Variants in TRPM6 observed in about 807,000 individuals in gnomAD.
The protein encoded by TRPM6 is channel kinase 2.
TRPM6 carries 111 observed loss-of-function variants against 247.6 expected under a neutral mutation model. The ratio of observed to expected loss-of-function variants is 0.45; its 90% CI spans 0.38 to 0.52. TRPM6 has a LOEUF of 0.52. TRPM6 is among the 20% of genes least tolerant of loss of function. The pLI is 0.00. For missense variants in TRPM6, 2,126 were observed against 2,421.5 expected, an observed-to-expected ratio of 0.88 and a Z score of 2.56; for synonymous variants, 892 against 853.8, an observed-to-expected ratio of 1.04 and a Z score of -0.78.
At chr9:74,863,167 C>G (rs1242128369) in intron 1 of TRPM6, among the ~76,000 whole-genome samples, 2 of 151,670 alleles carry the variant, frequency 1.3e-5, no homozygotes, top group Non-Finnish European at 2.9e-5. Flanking sequence ...CTGCCTCAGT[C>G]TCCCAAGTAG....
chr9:74,771,552 T>G (rs998676082), intron 25 of TRPM6, 151 bp downstream of exon 25: 1 of 728,472 alleles, frequency 1.4e-6, no homozygotes, highest in Non-Finnish European at 2.3e-6. Context: ...AAATATACTT[T>G]GATTACATGA....
intron 1 of TRPM6, among the ~76,000 whole-genome samples, chr9:74,879,275 T>C (rs1471057282): frequency 1.3e-5 from 2 of 151,126 alleles, no homozygotes; most frequent in Admixed American, 6.6e-5. Context: ...CCAGTCAATG[T>C]GGTGTAATGA....
At chr9:74,771,029 T>TC (rs1315708278) in intron 25 of TRPM6, among the ~76,000 whole-genome samples, 4 of 151,922 alleles carry the variant, frequency 2.6e-5, no homozygotes, top group Non-Finnish European at 5.9e-5. Context: ...AGAACCCCAC[T>TC]CCCCATCCAA....
At chr9:74,838,453 TTCAG>T (rs1287854419) in intron 5 of TRPM6, among the ~76,000 whole-genome samples, 3 of 152,248 alleles carry the variant, frequency 2.0e-5, no homozygotes, top group Non-Finnish European at 4.4e-5. Context: ...ACTTTGTTTT[TTCAG>T]TCATTCACTT....
intron 3 of TRPM6, among the ~76,000 whole-genome samples, chr9:74,851,759 A>T (rs181944342): frequency 0.18 from 20,105 of 113,954 alleles, 3,041 homozygotes; most frequent in African/African-American, 0.4. Context: ...AAAAAAAAAA[A>T]AAAAATATAT....
chr9:74,827,642 AG>A lies in TRPM6; in HGVS notation c.841+135del, dbSNP rs369216103. Reference sequence around the variant, plus strand: ...GAGGAGGGGAGATGCCCATGTGGGAAGGGGGGTGGCTGAAGAGTATTAAGGA... The same window carrying A: ...GAGGAGGGGAGATGCCCATGTGGGAAGGGGGTGGCTGAAGAGTATTAAGGA... On this transcript the variant is annotated intron_variant, in intron 7 of 38. Coordinates refer to ENST00000360774, the MANE Select transcript of TRPM6 (RefSeq NM_017662.5). 6 of 856,010 alleles carry A rather than the reference AG, an allele frequency of 7.0e-6. No homozygotes were observed. The East Asian group carries it at 1.0e-4, about 14-fold the overall frequency. 53.0% of individuals were successfully genotyped at this position (856,010 alleles called of 1,614,324 possible). A position where few individuals can be genotyped will look rare whatever the true frequency, so the allele number is the denominator to read the frequency against.
intron 2 of TRPM6, among the ~76,000 whole-genome samples, chr9:74,856,453 G>C (rs1393462536): frequency 8.8e-6 from 1 of 114,104 alleles, no homozygotes; most frequent in Non-Finnish European, 1.7e-5. Flanking sequence ...ATATGTGTGT[G>C]TGTGTGTGTG....
At chr9:74,875,824 G>C (rs1831178163) in intron 1 of TRPM6, among the ~76,000 whole-genome samples, 1 of 152,152 alleles carries the variant, frequency 6.6e-6, no homozygotes, top group Admixed American at 6.5e-5. Flanking sequence ...CTCTAAAGCA[G>C]ACACTAACAG....
intron 5 of TRPM6, among the ~76,000 whole-genome samples, chr9:74,836,979 C>T (rs1447459670): frequency 6.6e-5 from 10 of 152,196 alleles, no homozygotes; most frequent in African/African-American, 2.4e-4. Context: ...CAAAACAGTT[C>T]CTTTGAATCT....
At chr9:74,858,584 C>T (rs1830598756) in intron 2 of TRPM6, 85 bp downstream of exon 2, 3 of 836,260 alleles carry the variant, frequency 3.6e-6, no homozygotes, top group Non-Finnish European at 5.7e-6. Flanking sequence ...ATCAAAACTT[C>T]TAAACAAGTC....
At chr9:74,775,162 T>C (rs766386848) in intron 24 of TRPM6, among the ~76,000 whole-genome samples, 8 of 152,146 alleles carry the variant, frequency 5.3e-5, no homozygotes, top group Non-Finnish European at 1.0e-4. Flanking sequence ...CCTCAAAATA[T>C]ATAAGCTTAT....
At chr9:74,805,771 T>C (rs1372330810) in intron 14 of TRPM6, among the ~76,000 whole-genome samples, 2 of 152,096 alleles carry the variant, frequency 1.3e-5, no homozygotes, top group East Asian at 3.9e-4. Context: ...TTGGTTTTTC[T>C]TAAGTATCGA....
intron 19 of TRPM6, among the ~76,000 whole-genome samples, chr9:74,791,499 T>C (rs1405895494): frequency 6.6e-6 from 1 of 151,768 alleles, no homozygotes; most frequent in Non-Finnish European, 1.5e-5. Context: ...CGGAAAAAAA[T>C]ATTTAAAAAA....
intron 37 of TRPM6, 36 bp downstream of exon 37, chr9:74,732,649 G>A (rs1438581736): frequency 6.9e-7 from 1 of 1,446,464 alleles, no homozygotes; most frequent in Admixed American, 1.7e-5. Context: ...TATGTTAAAT[G>A]CAATTTTCTA....
At chr9:74,874,529 A>G (rs1831130970) in intron 1 of TRPM6, among the ~76,000 whole-genome samples, 1 of 152,202 alleles carries the variant, frequency 6.6e-6, no homozygotes, top group Non-Finnish European at 1.5e-5. Context: ...CCGCAACTCC[A>G]GAACAGGTTT....
rs967650644 is a variant in TRPM6, at chr9:74,750,667, G to A, written c.5054C>T (p.Ser1685Phe). The change falls in exon 30 of 39, where the codon TCC (serine) becomes TTC (phenylalanine). Residue 1685 changes from serine to phenylalanine, a missense_variant. Coordinates refer to ENST00000360774, the MANE Select transcript of TRPM6 (RefSeq NM_017662.5). ...NSRSTNLNRN[S>F]LLKSSIGVDK... ...ATAAACATTTAGAAATACTCACAGG[G>A]AGTTCCTATTGAGGTTGGTGCTCCT... 6.2e-7 allele frequency: 1 copy of A among 1,613,542 alleles called. No individual in the cohort carries two copies. The highest frequency in any genetic ancestry group is 1.3e-5 in the African/African-American group (1 of 74,900).
chr9:74,744,608 TACTGG>T (rs1825973221), intron 31 of TRPM6, among the ~76,000 whole-genome samples: 1 of 152,194 alleles, frequency 6.6e-6, no homozygotes, highest in Admixed American at 6.5e-5. Context: ...AAAAGCTATA[TACTGG>T]AAACAAAGAA....
At chr9:74,743,607 T>C (rs1304195431) in intron 32 of TRPM6, among the ~76,000 whole-genome samples, 5 of 152,206 alleles carry the variant, frequency 3.3e-5, no homozygotes, top group Non-Finnish European at 7.3e-5. Context: ...TGAAGTGATG[T>C]TGCTTAAGAG....
intron 25 of TRPM6, among the ~76,000 whole-genome samples, chr9:74,768,398 GA>G (rs1826901929): frequency 6.6e-6 from 1 of 152,164 alleles, no homozygotes; most frequent in African/African-American, 2.4e-5. Flanking sequence ...ATAAGCAGAT[GA>G]GCTCCTCCAC....
Sources: allele counts gnomAD v4.1 joint callset (sites outside exome capture counted in the v4.1 genomes callset), GRCh38; gene constraint gnomAD v4.1.1; transcripts MANE v1.5; gene names NCBI Gene and HGNC (gene_info 2026-07-23, HGNC 2026-07-21).